The following CCNQ variants were observed in gnomAD, a reference collection of about 807,000 sequenced individuals.
The protein encoded by CCNQ is cyclin Q.
In CCNQ, 3 loss-of-function variants were observed where a neutral mutation model predicts 17.7. The observed-to-expected ratio is 0.17, with a 90% CI of 0.08 to 0.44. The LOEUF is 0.44. Among genes scored for constraint, CCNQ ranks in the 20% least tolerant of loss-of-function variants. CCNQ has a pLI of 0.99. For synonymous variants in CCNQ, 73 were observed against 96.0 expected (o/e 0.76, Z 1.40); for missense variants, 146 against 222.6 (o/e 0.66, Z 2.19).
Position 153,599,062 on chromosome X carries a change from C to A in CCNQ, c.12G>T (p.Pro4=). 9.5e-7 allele frequency: 1 copy of A among 1,051,601 alleles called. No homozygotes were observed. The highest frequency in any genetic ancestry group is 1.2e-6 in the Non-Finnish European group (1 of 815,849). The allele number at this position is 1,051,601 out of a possible 1,213,427, so 86.7% of individuals were successfully genotyped here. A position where few individuals can be genotyped will look rare whatever the true frequency, so the allele number is the denominator to read the frequency against. The change falls in exon 1 of 5, where the codon CCG becomes CCT. Residue 4 remains proline, a synonymous_variant. Transcript: ENST00000576892. ...CTGCAGGCCCCCCTCCGCCGCCCTC[C>A]GGGGCTTCCATGAGGCGCCGCGGCA... The part of the protein sequence containing the change: MEA[P]EGGGGGPAAR...
intron 4 of CCNQ, among the ~76,000 whole-genome samples, chrX:153,590,855 C>A (rs1437352481): frequency 9.0e-6 from 1 of 111,668 alleles, no homozygotes; most frequent in Non-Finnish European, 1.9e-5. Context: ...TGGAAAGAGG[C>A]AGGTTCTCCT....
chrX:153,598,501 G>C (rs781875741), intron 1 of CCNQ, among the ~76,000 whole-genome samples: 192 of 113,100 alleles, frequency 1.7e-3, no homozygotes, highest in Non-Finnish European at 3.0e-3. Context: ...TGGGAAGCGC[G>C]GAGCCCAACA....
chrX:153,590,028 G>A (rs1315365419), intron 4 of CCNQ, among the ~76,000 whole-genome samples: 1 of 109,219 alleles, frequency 9.2e-6, no homozygotes, highest in Non-Finnish European at 1.9e-5. Context: ...ACGAGTTCAA[G>A]ATCAGCCTGG....
intron 4 of CCNQ, 151 bp from the exon 5 acceptor site, chrX:153,588,605 T>C: frequency 2.0e-6 from 1 of 509,396 alleles, no homozygotes; most frequent in South Asian, 2.6e-5. Context: ...GCAAAGCCAG[T>C]TTAATTCCAG....
rs2090969058 is a variant in CCNQ, at chrX:153,588,405, T to C, written c.707A>G (p.Asp236Gly). The C allele has an allele frequency of 8.3e-7, 1 of 1,209,262 alleles. No individual in the cohort carries two copies. Among genetic ancestry groups the C allele is most frequent in the African/African-American group, 1.7e-5 (1 of 57,296 alleles). The change falls in exon 5 of 5, where the codon GAT (aspartate) becomes GGT (glycine). Residue 236 changes from aspartate (D) to glycine (G), a missense_variant. Coordinates refer to ENST00000576892, the MANE Select transcript of CCNQ (RefSeq NM_152274.5). ...TKPIIDNIVS[D>G]LIQIYTMDTE... ...GTCCATGGTATAAATCTGAATGAGA[T>C]CAGACACAATATTATCAATGATTGG... is the stretch of plus-strand genomic sequence containing the variant.
intron 4 of CCNQ, among the ~76,000 whole-genome samples, chrX:153,591,607 C>T (rs782637131): frequency 9.0e-6 from 1 of 111,447 alleles, no homozygotes; most frequent in Non-Finnish European, 1.9e-5. Context: ...TTTGCCCCCC[C>T]CAGAGTCCAA....
intron 4 of CCNQ, among the ~76,000 whole-genome samples, chrX:153,592,277 G>A (rs192210399): frequency 6.2e-5 from 7 of 113,226 alleles, no homozygotes; most frequent in Middle Eastern, 4.6e-3. Flanking sequence ...CACCGGCGAC[G>A]TCGGTGGAGG....
intron 1 of CCNQ, 58 bp from the exon 2 acceptor site, chrX:153,596,245 G>C: frequency 8.8e-7 from 1 of 1,140,825 alleles, no homozygotes; most frequent in Non-Finnish European, 1.2e-6. Context: ...CACTGCTCCA[G>C]TGAGGGGAGC....
intron 3 of CCNQ, among the ~76,000 whole-genome samples, chrX:153,594,246 A>G (rs782592439): frequency 1.8e-5 from 2 of 112,568 alleles, no homozygotes; most frequent in Non-Finnish European, 3.8e-5. Flanking sequence ...CACACCATCT[A>G]TATGGACCAC....
chrX:153,597,377 A>G (rs374895285), intron 1 of CCNQ: 3 of 112,681 alleles, frequency 2.7e-5, no homozygotes, highest in East Asian at 5.6e-4. Flanking sequence ...ACGTCTAAGC[A>G]GGGCTGGCTC....
In CCNQ at chrX:153,596,077, A is replaced by C. The variant is rs1557027008; in HGVS notation, c.223T>G (p.Ser75Ala). 4 of 1,212,357 alleles carry C rather than the reference A, an allele frequency of 3.3e-6. No homozygotes were observed. The highest frequency in any genetic ancestry group is 4.5e-6 in the Non-Finnish European group (4 of 895,618). Residue 75 changes from serine to alanine, a missense_variant, in exon 2 of 5, where the codon TCT becomes GCT. By Grantham distance (99) the Ser-to-Ala change is moderately conservative. Transcript: ENST00000576892. ...ACTTTGCCGGCCAAGTAAATTGAAGACATGGCAATCAGGTAAGGGTCATAG... is the reference window on the plus strand; with the variant it reads ...ACTTTGCCGGCCAAGTAAATTGAAGCCATGGCAATCAGGTAAGGGTCATAG... ...DAYDPYLIAM[S>A]SIYLAGKVEE...
At chrX:153,598,340 C>T (rs1356953295) in intron 1 of CCNQ, among the ~76,000 whole-genome samples, 1 of 110,815 alleles carries the variant, frequency 9.0e-6, no homozygotes, top group Non-Finnish European at 1.9e-5. Context: ...TGCTTTAGTC[C>T]GGGAGACGGA....
chrX:153,596,081 G>A lies in CCNQ; in HGVS notation c.219C>T (p.Ala73=), dbSNP rs782339501. Residue 73 remains alanine, a synonymous_variant, in exon 2 of 5, where the codon GCC becomes GCT. Coordinates refer to ENST00000576892, the MANE Select transcript of CCNQ (RefSeq NM_152274.5). ...NLDAYDPYLI[A]MSSIYLAGKV... ...TGCCGGCCAAGTAAATTGAAGACAT[G>A]GCAATCAGGTAAGGGTCATAGGCGT... 1 of 1,210,913 alleles carries A rather than the reference G, an allele frequency of 8.3e-7. No homozygotes were observed. Among genetic ancestry groups the A allele is most frequent in the South Asian group, 1.8e-5 (1 of 56,893 alleles).
intron 1 of CCNQ, among the ~76,000 whole-genome samples, chrX:153,596,773 T>C (rs1557027210): frequency 8.9e-6 from 1 of 112,092 alleles, no homozygotes; most frequent in African/African-American, 3.2e-5. Flanking sequence ...GAGTAACCAC[T>C]TGCATTGCAG....
chrX:153,594,059 G>A (rs2091010273), intron 3 of CCNQ, among the ~76,000 whole-genome samples: 1 of 112,885 alleles, frequency 8.9e-6, no homozygotes, highest in Admixed American at 9.3e-5. Flanking sequence ...TTCTTCTGTT[G>A]AGACTCACAC....
chrX:153,593,696 G>C (rs2091007546), intron 3 of CCNQ, among the ~76,000 whole-genome samples: 1 of 112,438 alleles, frequency 8.9e-6, no homozygotes, highest in Non-Finnish European at 1.9e-5. Flanking sequence ...TGTGGTGGTA[G>C]GTCCGTGAAC....
chrX:153,592,782 A>T, intron 3 of CCNQ, 49 bp from the exon 4 acceptor site: 1 of 1,078,500 alleles, frequency 9.3e-7, no homozygotes, highest in Non-Finnish European at 1.3e-6. Flanking sequence ...TGCTCTCCTC[A>T]TGCTGACATA....
chrX:153,595,969 G>A (rs376939853), intron 2 of CCNQ, 35 bp downstream of exon 2: 22 of 1,206,040 alleles, frequency 1.8e-5, no homozygotes, highest in Admixed American at 4.4e-5. Context: ...CCCCCCCACC[G>A]GGTGGAGATC....
chrX:153,599,106 G>C lies in CCNQ; in HGVS notation c.-33C>G. On this transcript the variant is annotated 5_prime_UTR_variant, in exon 1 of 5. Coordinates refer to ENST00000576892, the MANE Select transcript of CCNQ (RefSeq NM_152274.5). Reference sequence around the variant, plus strand: ...CGCGGCACCGGCGGAAGGAGAGGCGGCCCCGGCGCGCAGAAGCCGGCAGAA... The same window carrying C: ...CGCGGCACCGGCGGAAGGAGAGGCGCCCCCGGCGCGCAGAAGCCGGCAGAA... The C allele has an allele frequency of 1.2e-6, 1 of 807,902 alleles. No homozygotes were observed. Among genetic ancestry groups the C allele is most frequent in the Non-Finnish European group, 1.6e-6 (1 of 641,663 alleles). The allele number at this position is 807,902 out of a possible 1,213,427, so 66.6% of individuals were successfully genotyped here.
Sources: allele counts gnomAD v4.1 joint callset (sites outside exome capture counted in the v4.1 genomes callset), GRCh38; gene constraint gnomAD v4.1.1; transcripts MANE v1.5; gene names NCBI Gene and HGNC (gene_info 2026-07-23, HGNC 2026-07-21).